The following GFM2 variants were observed in gnomAD, a reference collection of about 807,000 sequenced individuals.
The protein encoded by GFM2 is ribosome-releasing factor 2, mitochondrial.
In GFM2, 72 loss-of-function variants were observed where a neutral mutation model predicts 95.4. The observed-to-expected ratio is 0.76, with a 90% CI of 0.62 to 0.92. GFM2 has a LOEUF of 0.92. Ranked by LOEUF, GFM2 falls within the 40% of genes least tolerant of loss-of-function variation. The pLI, the probability that GFM2 is intolerant of heterozygous loss-of-function variation, is 0.00. For synonymous variants in GFM2, 276 were observed against 317.5 expected, an observed-to-expected ratio of 0.87 and a Z score of 1.39; for missense variants, 825 against 924.1, an observed-to-expected ratio of 0.89 and a Z score of 1.39.
chr5:74,765,581 G>C (rs899657604), intron 1 of GFM2, among the ~76,000 whole-genome samples: 5 of 152,182 alleles, frequency 3.3e-5, no homozygotes, highest in Non-Finnish European at 7.3e-5. Flanking sequence ...GGACGGCGGG[G>C]AGGGGCGCAT....
intron 1 of GFM2, 126 bp from the exon 2 acceptor site, chr5:74,763,892 AT>A: frequency 1.9e-6 from 1 of 518,698 alleles, no homozygotes. Context: ...TTGGAACAAT[AT>A]TTTTAGCTAC....
intron 8 of GFM2, among the ~76,000 whole-genome samples, chr5:74,746,584 C>G (rs529927821): frequency 6.6e-6 from 1 of 152,308 alleles, no homozygotes; most frequent in Admixed American, 6.5e-5. Flanking sequence ...CTTCCAAGAG[C>G]CTGCCTAGTC....
chr5:74,743,437 ACC>A (rs1743212521), intron 10 of GFM2, among the ~76,000 whole-genome samples: 1 of 152,188 alleles, frequency 6.6e-6, no homozygotes, highest in Non-Finnish European at 1.5e-5. Flanking sequence ...GACAGTAGGC[ACC>A]CTAATGGGTG....
chr5:74,741,742 C>T (rs529051980), intron 10 of GFM2, 133 bp from the exon 11 acceptor site: 1 of 508,770 alleles, frequency 2.0e-6, no homozygotes, highest in South Asian at 3.8e-5. Context: ...CAACTCTTCA[C>T]TTCTTCTAAA....
rs772191122 is a variant in GFM2, at chr5:74,763,778, A to T, written c.-24-12T>A. ...CAAACTGTTACTGTCTGAAAAAATA[A>T]ATATACAAAATCAAAAAACTAAACT... is the stretch of plus-strand genomic sequence containing the variant. On this transcript the variant is annotated splice_polypyrimidine_tract_variant and intron_variant, in intron 1 of 20. Transcript: ENST00000296805. The T allele has an allele frequency of 2.6e-6, 4 of 1,550,990 alleles. No homozygotes were observed. In the East Asian group the frequency reaches 9.0e-5, roughly 35 times the overall value.
intron 7 of GFM2, among the ~76,000 whole-genome samples, chr5:74,749,940 C>T (rs1743609785): frequency 6.6e-6 from 1 of 152,064 alleles, no homozygotes; most frequent in Non-Finnish European, 1.5e-5. Context: ...TGATCCACTC[C>T]AAATTAATTT....
chr5:74,736,264 A>G (rs1224480143), intron 15 of GFM2: 18 of 530,076 alleles, frequency 3.4e-5, no homozygotes, highest in Non-Finnish European at 4.1e-5. Flanking sequence ...CATGGGTTTT[A>G]CATACCACAC....
In GFM2 at chr5:74,750,598, T is replaced by A; in HGVS notation, c.500A>T (p.Asp167Val). 6.2e-7 allele frequency: 1 copy of A among 1,612,182 alleles called. No homozygotes were observed. The highest frequency in any genetic ancestry group is 8.5e-7 in the Non-Finnish European group (1 of 1,178,502). Residue 167 changes from aspartate (D) to valine (V), a missense_variant, in exon 7 of 21, where the codon GAT becomes GTT. Asp to Val is a radical substitution (Grantham distance 152, BLOSUM62 -3). Coordinates refer to ENST00000296805, the MANE Select transcript of GFM2 (RefSeq NM_032380.5). ...ATTTACCTCTACACCAGCAGAGGCA[T>A]CAAATACAGCCACTGCACCATCCAA... ...RVLDGAVAVF[D>V]ASAGVEAQTL...
At chr5:74,746,813 G>A (rs1293173446) in intron 8 of GFM2, among the ~76,000 whole-genome samples, 4 of 151,870 alleles carry the variant, frequency 2.6e-5, no homozygotes, top group African/African-American at 7.3e-5. Flanking sequence ...TCTACCACAG[G>A]AACTCCAAGC....
intron 14 of GFM2, among the ~76,000 whole-genome samples, 167 bp from the exon 15 acceptor site, chr5:74,737,152 CT>C (rs1354376355): frequency 6.6e-6 from 1 of 152,176 alleles, no homozygotes; most frequent in Non-Finnish European, 1.5e-5. Context: ...ATAAGTAAAG[CT>C]AATTTAACTT....
At chr5:74,742,730 G>A (rs1317622140) in intron 10 of GFM2, among the ~76,000 whole-genome samples, 2 of 151,436 alleles carry the variant, frequency 1.3e-5, no homozygotes, top group Non-Finnish European at 1.5e-5. Flanking sequence ...GCAATGGTGC[G>A]ATCTCAGCTC....
intron 10 of GFM2, among the ~76,000 whole-genome samples, chr5:74,745,371 T>C (rs1743327433): frequency 6.6e-6 from 1 of 152,020 alleles, no homozygotes; most frequent in East Asian, 1.9e-4. Context: ...AAGAGAAATA[T>C]TGAAATAATA....
At chr5:74,759,326 C>T (rs768562682) in intron 4 of GFM2, 43 bp downstream of exon 4, 15 of 1,134,766 alleles carry the variant, frequency 1.3e-5, no homozygotes, top group East Asian at 2.4e-5. Context: ...TGTAAATTTT[C>T]GTGACAGTCT....
chr5:74,750,499 C>G (rs1743639679), intron 7 of GFM2, 80 bp downstream of exon 7: 2 of 907,100 alleles, frequency 2.2e-6, no homozygotes, highest in Non-Finnish European at 3.5e-6. Flanking sequence ...TAGATGGTTA[C>G]AGTTAACTAA....
At chr5:74,748,918 A>AAAATAAAATAAT (rs1743540476) in intron 7 of GFM2, among the ~76,000 whole-genome samples, 2 of 138,992 alleles carry the variant, frequency 1.4e-5, no homozygotes, top group African/African-American at 5.7e-5. Context: ...ATAAAAAAAT[A>AAAATAAAATAAT]AAAAAAAATA....
chr5:74,745,667 T>C lies in GFM2; in HGVS notation c.849+11A>G. 2 of 1,595,616 alleles carry C rather than the reference T, an allele frequency of 1.3e-6. No homozygotes were observed. The highest frequency in any genetic ancestry group is 1.7e-6 in the Non-Finnish European group (2 of 1,168,276). On this transcript the variant is annotated intron_variant, in intron 10 of 20. Coordinates refer to ENST00000296805, the MANE Select transcript of GFM2 (RefSeq NM_032380.5). Reference sequence around the variant, plus strand: ...ACATTGGTGTTCATTTTATCATTCATTATACTTTACTTGTTCAATTAAGGC... The same window carrying C: ...ACATTGGTGTTCATTTTATCATTCACTATACTTTACTTGTTCAATTAAGGC...
intron 10 of GFM2, 80 bp from the exon 11 acceptor site, chr5:74,741,689 C>A (rs1743115054): frequency 2.9e-6 from 2 of 683,256 alleles, no homozygotes; most frequent in Admixed American, 3.0e-5. Flanking sequence ...CATAAACAGA[C>A]AATATTCAAA....
intron 10 of GFM2, among the ~76,000 whole-genome samples, chr5:74,744,568 T>C (rs1211537581): frequency 6.6e-6 from 1 of 152,178 alleles, no homozygotes; most frequent in Non-Finnish European, 1.5e-5. Flanking sequence ...ATTAACAATC[T>C]TGCTATTTTG....
At chr5:74,760,440 A>C (rs1040417981) in intron 3 of GFM2, among the ~76,000 whole-genome samples, 1 of 152,182 alleles carries the variant, frequency 6.6e-6, no homozygotes, top group East Asian at 1.9e-4. Context: ...ATTCAAAAGT[A>C]AGTCAACTCC....
Sources: gnomAD v4.1 joint callset for allele counts (sites outside exome capture counted in the v4.1 genomes callset) on GRCh38, gnomAD v4.1.1 for gene constraint, MANE v1.5 for transcripts, NCBI Gene and HGNC (gene_info 2026-07-23, HGNC 2026-07-21) for gene names.